STAC: variants seen among roughly 807,000 people sequenced by gnomAD.
STAC encodes the protein SH3 and cysteine-rich domain-containing protein.
Under a neutral mutation model 48.8 loss-of-function variants are expected in STAC, and 43 were observed. The ratio of observed to expected loss-of-function variants is 0.88; its 90% CI spans 0.69 to 1.14. The LOEUF is 1.14. STAC is among the 50% of genes most tolerant of loss of function. The pLI is 0.00. For missense variants in STAC, 497 were observed against 504.0 expected, an observed-to-expected ratio of 0.99 and a Z score of 0.13; for synonymous variants, 193 against 179.5, an observed-to-expected ratio of 1.07 and a Z score of -0.60.
intron 1 of STAC, among the ~76,000 whole-genome samples, chr3:36,397,013 G>GT (rs1699869859): frequency 6.6e-6 from 1 of 152,166 alleles, no homozygotes; most frequent in African/African-American, 2.4e-5. Flanking sequence ...CACCAAACTA[G>GT]TTGGAGTTTT....
chr3:36,433,749 C>T lies in STAC; in HGVS notation c.112-9615C>T, dbSNP rs969534331. 2.1e-4 allele frequency among the ~76,000 whole-genome samples: 32 copies of T among 152,322 alleles called. 1 individual carries two copies. In the Middle Eastern group the frequency reaches 0.014, roughly 65 times the overall value. ...CCACTGAGCTCATCCTCTATATTTA[C>T]TGGTAGAACCTAAGCCAAGGAGCTT... On this transcript the variant is annotated intron_variant, in intron 1 of 10. Transcript: ENST00000273183.
At chr3:36,536,280 T>A (rs1357196716) in intron 10 of STAC, among the ~76,000 whole-genome samples, 1 of 152,102 alleles carries the variant, frequency 6.6e-6, no homozygotes, top group Non-Finnish European at 1.5e-5. Flanking sequence ...AAAGAGCCTG[T>A]ATAGACAAGG....
chr3:36,491,154 TTTTTA>T (rs148963850), intron 5 of STAC, among the ~76,000 whole-genome samples: 1 of 152,232 alleles, frequency 6.6e-6, no homozygotes, highest in African/African-American at 2.4e-5. Context: ...CATCCTGCAT[TTTTTA>T]TTTTATTTTT....
chr3:36,386,847 TTTGAG>T (rs1699626749), intron 1 of STAC, among the ~76,000 whole-genome samples: 1 of 152,100 alleles, frequency 6.6e-6, no homozygotes, highest in South Asian at 2.1e-4. Context: ...TCAAAACAGA[TTTGAG>T]TTATTTTTGA....
chr3:36,514,805 C>G (rs1475206729), intron 8 of STAC, among the ~76,000 whole-genome samples: 1 of 152,076 alleles, frequency 6.6e-6, no homozygotes, highest in Non-Finnish European at 1.5e-5. Flanking sequence ...GAGGCCAAGG[C>G]AGGTGTATTG....
intron 10 of STAC, among the ~76,000 whole-genome samples, chr3:36,536,415 A>G (rs904444746): frequency 6.6e-6 from 1 of 152,206 alleles, no homozygotes; most frequent in Non-Finnish European, 1.5e-5. Flanking sequence ...CCAGTGGAAC[A>G]GTATAGAGGT....
intron 8 of STAC, 155 bp downstream of exon 8, chr3:36,505,989 C>T (rs1698394105): frequency 1.9e-6 from 1 of 529,702 alleles, no homozygotes; most frequent in South Asian, 2.8e-5. Flanking sequence ...CTGGTTAACA[C>T]ACAGGCCCTG....
intron 1 of STAC, among the ~76,000 whole-genome samples, chr3:36,401,382 C>T (rs1276874993): frequency 2.6e-5 from 4 of 152,142 alleles, no homozygotes; most frequent in East Asian, 1.9e-4. Context: ...AAGTCATTAA[C>T]AAAAAGGCAA....
At chr3:36,389,270 G>A (rs138986332) in intron 1 of STAC, among the ~76,000 whole-genome samples, 72 of 152,260 alleles carry the variant, frequency 4.7e-4, no homozygotes, top group African/African-American at 1.6e-3. Context: ...AGTTGTAGAA[G>A]CTGGAAAATC....
chr3:36,463,196 T>C (rs573089484), intron 2 of STAC, among the ~76,000 whole-genome samples: 51 of 152,318 alleles, frequency 3.3e-4, no homozygotes, highest in African/African-American at 1.2e-3. Context: ...TTTTGTTATA[T>C]TGTGCAACTT....
chr3:36,463,307 AATTTCATCCTCAG>A (rs1697070540), intron 2 of STAC, among the ~76,000 whole-genome samples: 1 of 151,990 alleles, frequency 6.6e-6, no homozygotes. Flanking sequence ...TTTTTCTTTT[AATTTCATCCTCAG>A]TCATTAGGCT....
At chr3:36,389,531 A>G (rs1270734816) in intron 1 of STAC, among the ~76,000 whole-genome samples, 1 of 152,154 alleles carries the variant, frequency 6.6e-6, no homozygotes, top group Admixed American at 6.5e-5. Flanking sequence ...AGAACATAGC[A>G]CACAGTATTT....
intron 2 of STAC, among the ~76,000 whole-genome samples, chr3:36,461,688 A>G (rs1046027896): frequency 3.3e-5 from 5 of 152,182 alleles, no homozygotes; most frequent in African/African-American, 1.2e-4. Context: ...AGAAGATAAT[A>G]TGAGTAAATT....
At chr3:36,513,976 C>A (rs79546987) in intron 8 of STAC, among the ~76,000 whole-genome samples, 405 of 152,084 alleles carry the variant, frequency 2.7e-3, no homozygotes, top group African/African-American at 8.6e-3. Flanking sequence ...GCTGTGTGAC[C>A]CCCATGAATC....
chr3:36,408,868 T>G (rs756189187), intron 1 of STAC, among the ~76,000 whole-genome samples: 14 of 152,192 alleles, frequency 9.2e-5, no homozygotes, highest in Non-Finnish European at 2.1e-4. Context: ...AGGTTGAAAC[T>G]TGGTTTCATA....
intron 1 of STAC, among the ~76,000 whole-genome samples, chr3:36,437,974 G>A (rs947089257): frequency 1.1e-4 from 13 of 113,970 alleles, no homozygotes; most frequent in African/African-American, 3.2e-4. Context: ...ATTTAGATGA[G>A]TTTGCCCGGG....
At chr3:36,464,606 A>C (rs570794222) in intron 2 of STAC, among the ~76,000 whole-genome samples, 1 of 151,980 alleles carries the variant, frequency 6.6e-6, no homozygotes, top group South Asian at 2.1e-4. Context: ...TCTTTCCCCC[A>C]AGTCCCCGAA....
chr3:36,435,725 C>T (rs1014764987), intron 1 of STAC, among the ~76,000 whole-genome samples: 3 of 152,182 alleles, frequency 2.0e-5, no homozygotes, highest in African/African-American at 7.2e-5. Flanking sequence ...TAAGGTCCTC[C>T]AAAGACATTC....
At chr3:36,534,520 G>C (rs1446530812) in intron 10 of STAC, among the ~76,000 whole-genome samples, 1 of 151,908 alleles carries the variant, frequency 6.6e-6, no homozygotes, top group Non-Finnish European at 1.5e-5. Context: ...TAAATGCAAT[G>C]CACATCTTTG....
Sources: allele counts gnomAD v4.1 joint callset (sites outside exome capture counted in the v4.1 genomes callset), GRCh38; gene constraint gnomAD v4.1.1; transcripts MANE v1.5; gene names NCBI Gene and HGNC (gene_info 2026-07-23, HGNC 2026-07-21).